The following KCNAB1 variants were observed in gnomAD, a reference collection of about 807,000 sequenced individuals.
KCNAB1 encodes voltage-gated potassium channel subunit beta-1.
In KCNAB1, 35 loss-of-function variants were observed where a neutral mutation model predicts 64.6. That is an observed-to-expected ratio of 0.54 (90% CI 0.41 to 0.72). KCNAB1 has a LOEUF of 0.72. Ranked by LOEUF, KCNAB1 falls within the 30% of genes least tolerant of loss-of-function variation. KCNAB1 has a pLI of 0.00. For missense variants in KCNAB1, 401 were observed against 512.9 expected (o/e 0.78, Z 2.11); for synonymous variants, 177 against 183.8 (o/e 0.96, Z 0.30).
chr3:156,157,364 A>G (rs911027006), intron 1 of KCNAB1, among the ~76,000 whole-genome samples: 7 of 152,196 alleles, frequency 4.6e-5, no homozygotes, highest in African/African-American at 1.7e-4. Context: ...AATTGGCCCT[A>G]CCTATGAGCA....
intron 1 of KCNAB1, among the ~76,000 whole-genome samples, chr3:156,415,504 C>T (rs1714988889): frequency 6.6e-6 from 1 of 152,042 alleles, no homozygotes; most frequent in Non-Finnish European, 1.5e-5. Context: ...ACTGGAATGG[C>T]TGCCACAGAA....
chr3:156,125,136 C>CAAAAAAA (rs563938669), intron 1 of KCNAB1, among the ~76,000 whole-genome samples: 1 of 132,582 alleles, frequency 7.5e-6, no homozygotes, highest in Non-Finnish European at 1.7e-5. Flanking sequence ...ACACTCCACT[C>CAAAAAAA]AAAAAAAAAA....
intron 1 of KCNAB1, among the ~76,000 whole-genome samples, chr3:156,173,723 C>T (rs989467858): frequency 6.6e-6 from 1 of 152,152 alleles, no homozygotes; most frequent in African/African-American, 2.4e-5. Flanking sequence ...TTGACAGGGC[C>T]ACAGGGTGCC....
chr3:156,143,097 C>T (rs1714799169), intron 1 of KCNAB1: 5 of 1,475,448 alleles, frequency 3.4e-6, no homozygotes, highest in South Asian at 1.5e-5. Flanking sequence ...AGCCAGATAA[C>T]CCAAGGTATT....
intron 1 of KCNAB1, among the ~76,000 whole-genome samples, chr3:156,354,451 G>A (rs186949566): frequency 1.3e-4 from 19 of 151,822 alleles, no homozygotes; most frequent in Admixed American, 5.2e-4. Context: ...ATGAGCCACC[G>A]TGCCCAGCCC....
intron 2 of KCNAB1, among the ~76,000 whole-genome samples, chr3:156,440,771 A>G (rs1369553346): frequency 2.0e-5 from 3 of 152,196 alleles, no homozygotes; most frequent in African/African-American, 7.2e-5. Flanking sequence ...TTAAGCCGAA[A>G]TCATTAACAG....
chr3:156,239,523 A>G (rs559746245), intron 1 of KCNAB1, among the ~76,000 whole-genome samples: 1 of 151,262 alleles, frequency 6.6e-6, no homozygotes, highest in Non-Finnish European at 1.5e-5. Context: ...TCCAGCCACT[A>G]CTCTGTGGTG....
intron 1 of KCNAB1, among the ~76,000 whole-genome samples, chr3:156,385,161 C>G (rs1229994591): frequency 1.3e-5 from 2 of 152,148 alleles, no homozygotes; most frequent in Non-Finnish European, 2.9e-5. Context: ...TTAGGGCTTT[C>G]TAAATCTGGG....
Position 156,467,508 on chromosome 3 carries a change from C to T in KCNAB1, c.571+1822C>T, listed in dbSNP as rs115127321. 5.8e-3 allele frequency among the ~76,000 whole-genome samples: 882 copies of T among 152,250 alleles called. 9 individuals are homozygous for T. Among genetic ancestry groups the T allele is most frequent in the African/African-American group, 0.02 (832 of 41,562 alleles). ...ATAAGGAAGCCAGGTTCTCCATTTG[C>T]TCATCCAATCTCATCCCATCCTAGA... is the stretch of plus-strand genomic sequence containing the variant. On this transcript the variant is annotated intron_variant, in intron 7 of 13. Transcript: ENST00000490337.
At chr3:156,389,940 G>A (rs1376964434) in intron 1 of KCNAB1, among the ~76,000 whole-genome samples, 2 of 152,114 alleles carry the variant, frequency 1.3e-5, no homozygotes, top group Non-Finnish European at 2.9e-5. Context: ...AAGTTAAATA[G>A]TTGTGACAGA....
At chr3:156,217,709 C>A (rs1715412445) in intron 1 of KCNAB1, among the ~76,000 whole-genome samples, 1 of 152,188 alleles carries the variant, frequency 6.6e-6, no homozygotes, top group African/African-American at 2.4e-5. Context: ...ATTTAACATG[C>A]CTGTGCCTCC....
intron 8 of KCNAB1, 130 bp downstream of exon 8, chr3:156,474,950 C>T (rs961729084): frequency 8.1e-6 from 6 of 743,858 alleles, no homozygotes; most frequent in Non-Finnish European, 1.3e-5. Flanking sequence ...ATGTTTCTGA[C>T]TGATGCCTTT....
chr3:156,249,513 A>T (rs767185411), intron 1 of KCNAB1, among the ~76,000 whole-genome samples: 3 of 151,726 alleles, frequency 2.0e-5, no homozygotes, highest in Non-Finnish European at 4.4e-5. Context: ...CAGAGGTTGC[A>T]GTTGTGCCAC....
intron 1 of KCNAB1, among the ~76,000 whole-genome samples, chr3:156,336,223 G>A (rs1379622218): frequency 6.6e-6 from 1 of 152,128 alleles, no homozygotes; most frequent in South Asian, 2.1e-4. Context: ...TTAGCCAGAT[G>A]TGGTGGCAGG....
At chr3:156,429,194 A>G (rs1408585196) in intron 2 of KCNAB1, among the ~76,000 whole-genome samples, 1 of 152,238 alleles carries the variant, frequency 6.6e-6, no homozygotes, top group Admixed American at 6.5e-5. Flanking sequence ...TCAGGGTTGG[A>G]ATACATTGTC....
intron 1 of KCNAB1, among the ~76,000 whole-genome samples, chr3:156,363,723 G>A (rs764132635): frequency 4.9e-4 from 74 of 152,172 alleles, no homozygotes; most frequent in Non-Finnish European, 1.8e-4. Context: ...TAATCTGCCT[G>A]CCTTGGCATC....
chr3:156,355,593 C>G (rs1200548099), intron 1 of KCNAB1, among the ~76,000 whole-genome samples: 1 of 152,070 alleles, frequency 6.6e-6, no homozygotes, highest in Non-Finnish European at 1.5e-5. Flanking sequence ...CCAAATCATA[C>G]TTATAACTCA....
At chr3:156,444,747 GTTTGT>G (rs1198607397) in intron 2 of KCNAB1, among the ~76,000 whole-genome samples, 2 of 152,176 alleles carry the variant, frequency 1.3e-5, no homozygotes, top group Non-Finnish European at 2.9e-5. Context: ...ATTTGGTTCT[GTTTGT>G]TTTGTTTTGA....
rs192266873 is a variant in KCNAB1, at chr3:156,159,402, A to G, written c.275+38516A>G. On this transcript the variant is annotated intron_variant, in intron 1 of 13. Transcript: ENST00000490337. ...AAGTAAGAAGAGAAACTGGCTTTAAATGATATTTAATTTAGCATGGAAAGT... is the reference window on the plus strand; with the variant it reads ...AAGTAAGAAGAGAAACTGGCTTTAAGTGATATTTAATTTAGCATGGAAAGT... Among the ~76,000 whole-genome samples the G allele has an allele frequency of 2.3e-3, 345 of 152,330 alleles. 3 individuals carry two copies. The highest frequency in any genetic ancestry group is 2.5e-3 in the Non-Finnish European group (167 of 68,036).
Sources: allele counts gnomAD v4.1 joint callset (sites outside exome capture counted in the v4.1 genomes callset), GRCh38; gene constraint gnomAD v4.1.1; transcripts MANE v1.5; gene names NCBI Gene and HGNC (gene_info 2026-07-23, HGNC 2026-07-21).